The following ELAC1 variants were observed in gnomAD, a reference collection of about 807,000 sequenced individuals.
ELAC1 encodes zinc phosphodiesterase ELAC protein 1.
A neutral mutation model predicts 25.8 loss-of-function variants in ELAC1; 19 were observed. The ratio of observed to expected loss-of-function variants is 0.74; its 90% CI spans 0.51 to 1.08. The LOEUF is 1.08. ELAC1 is among the 50% of genes least tolerant of loss of function. The probability of loss-of-function intolerance (pLI) is 0.00; values close to 1 mark genes in which losing one functional copy is unlikely to be tolerated. For missense variants in ELAC1, 403 were observed against 434.6 expected, an observed-to-expected ratio of 0.93 and a Z score of 0.65; for synonymous variants, 148 against 160.9, an observed-to-expected ratio of 0.92 and a Z score of 0.61.
At chr18:50,979,770 A>G (rs1907892768) in intron 2 of ELAC1, among the ~76,000 whole-genome samples, 1 of 152,114 alleles carries the variant, frequency 6.6e-6, no homozygotes, top group African/African-American at 2.4e-5. Flanking sequence ...TCTGTAGCTC[A>G]GGCTGGAGTG....
At position 50,986,629 on chromosome 18, in the gene ELAC1, A is replaced by G. The variant is rs951349362; in HGVS notation, c.636A>G (p.Pro212=). 2 of 1,608,468 alleles carry G rather than the reference A, an allele frequency of 1.2e-6. No homozygotes were observed. The highest frequency in any genetic ancestry group is 1.7e-4 in the Middle Eastern group (1 of 6,018). The change falls in exon 4 of 4, where the codon CCA becomes CCG. Residue 212 remains proline (P), a synonymous_variant. Transcript: ENST00000269466. ...AQKLKDLGVP[P]GPAYGKLKNG... ...TGCCTTCATCATTAGGTGTTCCACCAGGTCCTGCCTATGGGAAGCTGAAAA... is the reference window on the plus strand; with the variant it reads ...TGCCTTCATCATTAGGTGTTCCACCGGGTCCTGCCTATGGGAAGCTGAAAA...
chr18:50,969,113 T>C (rs1907582335), intron 1 of ELAC1: 1 of 152,248 alleles, frequency 6.6e-6, no homozygotes, highest in African/African-American at 2.4e-5. Flanking sequence ...TACCCTCTAC[T>C]ATCCAGTCAG....
In ELAC1 at chr18:50,978,104, C is replaced by G. The variant is rs113509581; in HGVS notation, c.157+3543C>G. On this transcript the variant is annotated intron_variant, in intron 2 of 3. Transcript: ENST00000269466. ...CAGGAAATTCCAAACTTTCCCATGT[C>G]TTCCTGTCTTCTGAGCCCTCCAAGT... Among the ~76,000 whole-genome samples the G allele has an allele frequency of 4.4e-3, 677 of 152,310 alleles. 4 individuals carry two copies. Among genetic ancestry groups the G allele is most frequent in the Middle Eastern group, 0.027 (8 of 294 alleles).
chr18:50,983,130 G>T (rs1907998734), intron 2 of ELAC1, among the ~76,000 whole-genome samples: 1 of 135,590 alleles, frequency 7.4e-6, no homozygotes, highest in Non-Finnish European at 1.6e-5. Context: ...GAATTATTTT[G>T]GTACACTTGT....
intron 2 of ELAC1, among the ~76,000 whole-genome samples, chr18:50,980,799 TAG>T (rs2144318331): frequency 6.6e-6 from 1 of 150,594 alleles, no homozygotes; most frequent in African/African-American, 2.4e-5. Context: ...TTTCTGGCCG[TAG>T]AGAGGAAGGT....
intron 1 of ELAC1, among the ~76,000 whole-genome samples, chr18:50,972,900 C>G (rs1182574590): frequency 1.3e-5 from 2 of 152,174 alleles, no homozygotes; most frequent in African/African-American, 4.8e-5. Flanking sequence ...TTTTTCCTTC[C>G]ATATGATTTT....
At chr18:50,973,133 C>T (rs900835605) in intron 1 of ELAC1, among the ~76,000 whole-genome samples, 5 of 152,028 alleles carry the variant, frequency 3.3e-5, no homozygotes, top group African/African-American at 1.2e-4. Flanking sequence ...TGGGTTTTTC[C>T]CCCATTTCTG....
In ELAC1 at chr18:50,986,911, A is replaced by C; in HGVS notation, c.918A>C (p.Ala306=). Reference sequence around the variant, plus strand: ...CAACATTTGCAAAGTTGTGCCGTGCAAAGAGGCTGGTTCTGACTCACTTCA... The same window carrying C: ...CAACATTTGCAAAGTTGTGCCGTGCCAAGAGGCTGGTTCTGACTCACTTCA... ...MAATFAKLCR[A]KRLVLTHFSQ... The change falls in exon 4 of 4, where the codon GCA becomes GCC. Residue 306 remains alanine (A), a synonymous_variant. Transcript: ENST00000269466. 1 of 1,613,914 alleles carries C rather than the reference A, an allele frequency of 6.2e-7. No individual in the cohort carries two copies. Among genetic ancestry groups the C allele is most frequent in the Non-Finnish European group, 8.5e-7 (1 of 1,179,830 alleles).
rs377370145 is a variant in ELAC1 at position 50,973,861 on chromosome 18, C to A, written c.-8-536C>A. 2.6e-5 allele frequency among the ~76,000 whole-genome samples: 4 copies of A among 152,224 alleles called. No individual in the cohort carries two copies. In the South Asian group the frequency reaches 8.3e-4, roughly 32 times the overall value. On this transcript the variant is annotated intron_variant, in intron 1 of 3. Coordinates refer to ENST00000269466, the MANE Select transcript of ELAC1 (RefSeq NM_018696.3). ...TGAAAAAAAAATGAAAAATGTGCTA[C>A]ATGTGTTACAGTTGTTGAGCCAATA...
In ELAC1 at chr18:50,984,571, T is replaced by TTTTTTTG. The variant is rs754248639; in HGVS notation, c.625+22_625+28dup. 35 of 1,596,772 alleles carry TTTTTTTG rather than the reference T, an allele frequency of 2.2e-5. No individual in the cohort carries two copies. In the Admixed American group the frequency reaches 2.3e-4, roughly 10 times the overall value. On this transcript the variant is annotated intron_variant, in intron 3 of 3. Coordinates refer to ENST00000269466, the MANE Select transcript of ELAC1 (RefSeq NM_018696.3). ...AGAAACTTAAAGACCTTGGTAAGTG[T>TTTTTTTG]TTTTTTGTTTTTTGTTTTTTCCCGC...
At chr18:50,977,500 C>T (rs1268245208) in intron 2 of ELAC1, among the ~76,000 whole-genome samples, 1 of 152,240 alleles carries the variant, frequency 6.6e-6, no homozygotes, top group Non-Finnish European at 1.5e-5. Flanking sequence ...CACTGGGATG[C>T]AGGGCACCAA....
rs375428433 is a variant in ELAC1 at position 50,978,206 on chromosome 18, T to C, written c.157+3645T>C. 7.2e-5 allele frequency among the ~76,000 whole-genome samples: 11 copies of C among 152,340 alleles called. No homozygotes were observed. In the South Asian group the frequency reaches 2.1e-3, roughly 29 times the overall value. ...CCAAACTGTTCCAGCCTCTGCCTGC[T>C]ACCCAGTTCCAAAGTCACTTCCACA... On this transcript the variant is annotated intron_variant, in intron 2 of 3. Transcript: ENST00000269466.
intron 2 of ELAC1, among the ~76,000 whole-genome samples, chr18:50,982,801 A>C (rs1907987932): frequency 6.6e-6 from 1 of 152,024 alleles, no homozygotes; most frequent in African/African-American, 2.4e-5. Context: ...CTTCCTTCTC[A>C]GTTCTTCATC....
chr18:50,983,287 G>A (rs1908009693), intron 2 of ELAC1, among the ~76,000 whole-genome samples: 2 of 148,080 alleles, frequency 1.4e-5, no homozygotes, highest in African/African-American at 5.0e-5. Flanking sequence ...TTAGCCTCCT[G>A]AGTAGCTGGG....
intron 3 of ELAC1, among the ~76,000 whole-genome samples, chr18:50,985,453 C>T (rs1908082321): frequency 1.3e-5 from 2 of 152,360 alleles, no homozygotes; most frequent in Admixed American, 6.5e-5. Flanking sequence ...CCATCTAAGG[C>T]TTCACACCTC....
chr18:50,970,774 A>G (rs576153822), intron 1 of ELAC1, among the ~76,000 whole-genome samples: 1 of 152,306 alleles, frequency 6.6e-6, no homozygotes, highest in East Asian at 1.9e-4. Context: ...ACATAATGCA[A>G]TAAATTTAAA....
rs538686175 is a variant in ELAC1, at chr18:50,984,161, C to T, written c.223C>T (p.Leu75Phe). ...GDHFFGLPGL[L>F]CTISLQSGSM... ...CCATTTCTTTGGCCTTCCTGGGCTC[C>T]TCTGCACAATCAGCCTGCAGAGTGG... is the stretch of plus-strand genomic sequence containing the variant. Residue 75 changes from leucine (L) to phenylalanine (F), a missense_variant, in exon 3 of 4, where the codon CTC becomes TTC. Coordinates refer to ENST00000269466, the MANE Select transcript of ELAC1 (RefSeq NM_018696.3). The T allele has an allele frequency of 6.2e-7, 1 of 1,614,112 alleles. No homozygotes were observed. Among genetic ancestry groups the T allele is most frequent in the Non-Finnish European group, 8.5e-7 (1 of 1,180,004 alleles).
chr18:50,970,051 T>C (rs1907610227), intron 1 of ELAC1, among the ~76,000 whole-genome samples: 1 of 152,200 alleles, frequency 6.6e-6, no homozygotes, highest in South Asian at 2.1e-4. Context: ...ATCTAAATGT[T>C]CTGGGATGGA....
intron 2 of ELAC1, among the ~76,000 whole-genome samples, chr18:50,979,632 A>C (rs1907887825): frequency 2.0e-5 from 3 of 152,156 alleles, no homozygotes; most frequent in African/African-American, 7.2e-5. Context: ...AGGAGAGGGG[A>C]TTGTAGGACG....
Sources: allele counts gnomAD v4.1 joint callset (sites outside exome capture counted in the v4.1 genomes callset), GRCh38; gene constraint gnomAD v4.1.1; transcripts MANE v1.5; gene names NCBI Gene and HGNC (gene_info 2026-07-23, HGNC 2026-07-21).